Variants in ATP8B4 observed in about 807,000 individuals in gnomAD.
The protein encoded by ATP8B4 is probable phospholipid-transporting ATPase IM.
In ATP8B4, 133 loss-of-function variants were observed where a neutral mutation model predicts 145.6. The observed-to-expected ratio is 0.91, with a 90% CI of 0.79 to 1.05. The LOEUF is 1.05. Ranked by LOEUF, ATP8B4 falls within the 50% of genes least tolerant of loss-of-function variation. The pLI, the probability that ATP8B4 is intolerant of heterozygous loss-of-function variation, is 0.00. For synonymous variants in ATP8B4, 507 were observed against 492.9 expected (o/e 1.03, Z -0.38); for missense variants, 1,458 against 1,425.2 (o/e 1.02, Z -0.37).
At chr15:50,069,769 T>C (rs576446759) in intron 3 of ATP8B4, among the ~76,000 whole-genome samples, 3 of 152,280 alleles carry the variant, frequency 2.0e-5, no homozygotes, top group East Asian at 3.9e-4. Flanking sequence ...AAAAAAAATA[T>C]AGGTTTTAGA....
At chr15:49,878,318 G>A (rs2034819568) in intron 24 of ATP8B4, among the ~76,000 whole-genome samples, 1 of 152,096 alleles carries the variant, frequency 6.6e-6, no homozygotes, top group African/African-American at 2.4e-5. Context: ...TATAATTCCA[G>A]AAAATATGCC....
intron 1 of ATP8B4, among the ~76,000 whole-genome samples, chr15:50,111,804 T>C (rs1257623683): frequency 2.0e-5 from 3 of 152,186 alleles, no homozygotes; most frequent in Admixed American, 1.3e-4. Context: ...TTTGTCAACA[T>C]TTCTGCATAA....
chr15:49,944,908 G>A (rs2042439189), intron 14 of ATP8B4, among the ~76,000 whole-genome samples: 1 of 152,082 alleles, frequency 6.6e-6, no homozygotes, highest in African/African-American at 2.4e-5. Context: ...ATAGCAAAAG[G>A]AAAAGTGGAA....
intron 9 of ATP8B4, among the ~76,000 whole-genome samples, chr15:49,992,742 C>T (rs1183105006): frequency 6.6e-6 from 1 of 152,124 alleles, no homozygotes; most frequent in Non-Finnish European, 1.5e-5. Flanking sequence ...GGAAAACACA[C>T]AGTAACCAGA....
chr15:50,065,596 C>T (rs1184595529), intron 3 of ATP8B4, among the ~76,000 whole-genome samples: 1 of 152,088 alleles, frequency 6.6e-6, no homozygotes. Context: ...ATTTATAGTT[C>T]CTTCTTCACA....
At chr15:50,045,299 T>C (rs973241847) in intron 4 of ATP8B4, among the ~76,000 whole-genome samples, 5 of 152,140 alleles carry the variant, frequency 3.3e-5, no homozygotes, top group Non-Finnish European at 7.3e-5. Context: ...ATTTTATAAA[T>C]GAAGAATCTA....
In ATP8B4 at chr15:50,039,467, T is replaced by C. The variant is rs79286878; in HGVS notation, c.301-638A>G. 2.9e-3 allele frequency among the ~76,000 whole-genome samples: 436 copies of C among 152,296 alleles called. 3 individuals carry two copies. The highest frequency in any genetic ancestry group is 0.01 in the African/African-American group (425 of 41,564). On this transcript the variant is annotated intron_variant, in intron 5 of 27. Transcript: ENST00000284509. ...CTTATATAGCTTGAAAGAATCTCAATATTAAGAGCTCTCTACTAGGCTCAT... is the reference window on the plus strand; with the variant it reads ...CTTATATAGCTTGAAAGAATCTCAACATTAAGAGCTCTCTACTAGGCTCAT...
intron 5 of ATP8B4, among the ~76,000 whole-genome samples, chr15:50,043,988 T>C (rs1196409421): frequency 6.6e-6 from 1 of 151,024 alleles, no homozygotes; most frequent in Non-Finnish European, 1.5e-5. Context: ...GAATACAGTG[T>C]ATAATAAATA....
chr15:50,061,973 T>C (rs2053059113), intron 3 of ATP8B4, among the ~76,000 whole-genome samples: 1 of 152,250 alleles, frequency 6.6e-6, no homozygotes, highest in Non-Finnish European at 1.5e-5. Flanking sequence ...ATACTTAACT[T>C]TGTAATGTCT....
rs2041243529 is a variant in ATP8B4, at chr15:49,931,407, C to T, written c.1454-100G>A. 6 of 1,149,536 alleles carry T rather than the reference C, an allele frequency of 5.2e-6. No homozygotes were observed. The Admixed American group carries it at 1.5e-4, about 29-fold the overall frequency. 71.2% of individuals were successfully genotyped at this position (1,149,536 alleles called of 1,614,324 possible). A position where few individuals can be genotyped will look rare whatever the true frequency, so the allele number is the denominator to read the frequency against. On this transcript the variant is annotated intron_variant, in intron 15 of 27. Transcript: ENST00000284509. Reference sequence around the variant, plus strand: ...CTCAGTATTTAACACCCAACTCAAGCATCAGGTCTAAAAATCTTTCCTGTC... The same window carrying T: ...CTCAGTATTTAACACCCAACTCAAGTATCAGGTCTAAAAATCTTTCCTGTC...
At chr15:50,002,989 TA>T (rs2048018471) in intron 7 of ATP8B4, among the ~76,000 whole-genome samples, 2 of 152,188 alleles carry the variant, frequency 1.3e-5, no homozygotes, top group Admixed American at 1.3e-4. Context: ...TTCAAAGCTC[TA>T]AACTTATTTT....
intron 15 of ATP8B4, among the ~76,000 whole-genome samples, chr15:49,932,237 T>C (rs2041334118): frequency 6.6e-6 from 1 of 151,894 alleles, no homozygotes; most frequent in African/African-American, 2.4e-5. Context: ...CCTAAATATC[T>C]AGAAATATTC....
At chr15:49,935,680 AG>A (rs2041674979) in intron 14 of ATP8B4, among the ~76,000 whole-genome samples, 1 of 152,178 alleles carries the variant, frequency 6.6e-6, no homozygotes, top group African/African-American at 2.4e-5. Flanking sequence ...AAACTTCAGA[AG>A]GTACATCAAA....
intron 2 of ATP8B4, among the ~76,000 whole-genome samples, chr15:50,104,171 C>T (rs1047031246): frequency 2.6e-5 from 4 of 151,972 alleles, no homozygotes; most frequent in African/African-American, 4.8e-5. Flanking sequence ...CACTGGCTTA[C>T]GCAAAGATTT....
At chr15:50,062,998 G>A (rs1361724726) in intron 3 of ATP8B4, among the ~76,000 whole-genome samples, 1 of 151,576 alleles carries the variant, frequency 6.6e-6, no homozygotes, top group African/African-American at 2.4e-5. Context: ...GACTTGGGGA[G>A]GAATCTTCAA....
chr15:49,966,527 T>C (rs1345835974), intron 13 of ATP8B4, among the ~76,000 whole-genome samples: 1 of 152,198 alleles, frequency 6.6e-6, no homozygotes, highest in Non-Finnish European at 1.5e-5. Flanking sequence ...CGGAGCCCAC[T>C]GCAGCTCAGC....
At chr15:50,063,985 G>A (rs2053203920) in intron 3 of ATP8B4, among the ~76,000 whole-genome samples, 1 of 152,082 alleles carries the variant, frequency 6.6e-6, no homozygotes, top group African/African-American at 2.4e-5. Context: ...CCCAAAGAAA[G>A]AAAAGGCTGT....
intron 1 of ATP8B4, among the ~76,000 whole-genome samples, chr15:50,109,639 T>C (rs944929364): frequency 6.8e-6 from 1 of 147,428 alleles, no homozygotes; most frequent in African/African-American, 2.5e-5. Flanking sequence ...TCAAGCAAGA[T>C]GAAAAAAAAG....
chr15:50,086,632 C>A (rs1205607623), intron 2 of ATP8B4, among the ~76,000 whole-genome samples: 2 of 103,376 alleles, frequency 1.9e-5, no homozygotes, highest in African/African-American at 4.3e-5. Context: ...TAATAGAGAT[C>A]TATATTTATT....
Sources: allele counts gnomAD v4.1 joint callset (sites outside exome capture counted in the v4.1 genomes callset), GRCh38; gene constraint gnomAD v4.1.1; transcripts MANE v1.5; gene names NCBI Gene and HGNC (gene_info 2026-07-23, HGNC 2026-07-21).